Variants in TIGD2 observed in about 807,000 individuals in gnomAD.
The protein encoded by TIGD2 is tigger transposable element-derived protein 2.
A neutral mutation model predicts 27.0 loss-of-function variants in TIGD2; 14 were observed. The observed-to-expected ratio is 0.52, with a 90% CI of 0.34 to 0.81. The LOEUF (loss-of-function observed/expected upper bound fraction) is 0.81. Among genes scored for constraint, TIGD2 ranks in the 30% least tolerant of loss-of-function variants. The probability of loss-of-function intolerance (pLI) is 0.01; values close to 1 mark genes in which losing one functional copy is unlikely to be tolerated. For synonymous variants in TIGD2, 201 were observed against 209.0 expected, an observed-to-expected ratio of 0.96 and a Z score of 0.33; for missense variants, 590 against 617.3, an observed-to-expected ratio of 0.96 and a Z score of 0.47.
At position 89,113,154 on chromosome 4, in the gene TIGD2, T is replaced by C. The variant is rs775478344; in HGVS notation, c.180T>C (p.Asp60=). 6.8e-6 allele frequency: 11 copies of C among 1,613,914 alleles called. No homozygotes were observed. In the African/African-American group the frequency reaches 1.2e-4, roughly 18 times the overall value. ...TTATAAACTATGCAAACAGTTCAGATCCTACCAGTGGAGTATCCAAACGTA... is the reference window on the plus strand; with the variant it reads ...TTATAAACTATGCAAACAGTTCAGACCCTACCAGTGGAGTATCCAAACGTA... ...ERIINYANSS[D]PTSGVSKRKS... Residue 60 remains aspartate, a synonymous_variant, in exon 2 of 2, where the codon GAT becomes GAC. Coordinates refer to ENST00000603357, the MANE Select transcript of TIGD2 (RefSeq NM_145715.3).
chr4:89,114,531 C>A lies in TIGD2; in HGVS notation c.1557C>A (p.Ile519=). Residue 519 remains isoleucine, a synonymous_variant, in exon 2 of 2, where the codon ATC becomes ATA. Coordinates refer to ENST00000603357, the MANE Select transcript of TIGD2 (RefSeq NM_145715.3). The part of the protein sequence containing the change: ...LRTIIRKKQK[I]QNNKNH ...CCATAATAAGAAAAAAACAGAAGAT[C>A]CAAAATAACAAAAATCATTAATAAG... The A allele has an allele frequency of 2.5e-6, 4 of 1,581,878 alleles. No homozygotes were observed. The highest frequency in any genetic ancestry group is 3.4e-6 in the Non-Finnish European group (4 of 1,161,242).
At position 89,114,012 on chromosome 4, in the gene TIGD2, C is replaced by T; in HGVS notation, c.1038C>T (p.Tyr346=). Reference sequence around the variant, plus strand: ...ATCGAGCAGGACTTCTCCAGAAATACATGGATGAAGGAAATGACCCAAAAA... The same window carrying T: ...ATCGAGCAGGACTTCTCCAGAAATATATGGATGAAGGAAATGACCCAAAAA... The part of the protein sequence containing the change: ...RYYRAGLLQK[Y]MDEGNDPKIF... Residue 346 remains tyrosine, a synonymous_variant, in exon 2 of 2, where the codon TAC becomes TAT. Transcript: ENST00000603357. 1.2e-6 allele frequency: 2 copies of T among 1,614,036 alleles called. No homozygotes were observed. Among genetic ancestry groups the T allele is most frequent in the East Asian group, 2.2e-5 (1 of 44,886 alleles).
chr4:89,114,120 C>G lies in TIGD2; in HGVS notation c.1146C>G (p.Thr382=), dbSNP rs762660403. The G allele has an allele frequency of 6.2e-7, 1 of 1,613,948 alleles. No homozygotes were observed. The highest frequency in any genetic ancestry group is 8.5e-7 in the Non-Finnish European group (1 of 1,180,012). The change falls in exon 2 of 2, where the codon ACC becomes ACG. Residue 382 remains threonine, a synonymous_variant. Coordinates refer to ENST00000603357, the MANE Select transcript of TIGD2 (RefSeq NM_145715.3). ...ACATGGTAAAATCAAGTACCATAAC[C>G]AAAGCATGGAAAAAACTTTTCCCTG... is the stretch of plus-strand genomic sequence containing the variant. ...AWNMVKSSTI[T]KAWKKLFPGN...
rs1721177142 is a variant in TIGD2, at chr4:89,114,552, A to G, written c.1578A>G (p.Ter526=). ...KQKIQNNKNH[*] ...AGATCCAAAATAACAAAAATCATTAATAAGGCTCTTAAGTATTTCAGTGTA... is the reference window on the plus strand; with the variant it reads ...AGATCCAAAATAACAAAAATCATTAGTAAGGCTCTTAAGTATTTCAGTGTA... Residue 526 remains the stop codon, a stop_retained_variant, in exon 2 of 2, where the codon TAA becomes TAG. Coordinates refer to ENST00000603357, the MANE Select transcript of TIGD2 (RefSeq NM_145715.3). 9 of 1,578,742 alleles carry G rather than the reference A, an allele frequency of 5.7e-6. No homozygotes were observed. The highest frequency in any genetic ancestry group is 7.8e-6 in the Non-Finnish European group (9 of 1,159,956).
chr4:89,114,803 ATCTTG>A lies in TIGD2; in HGVS notation c.*253_*257del. The A allele has an allele frequency of 2.7e-6, 1 of 369,058 alleles. No individual in the cohort carries two copies. The highest frequency in any genetic ancestry group is 2.1e-5 in the African/African-American group (1 of 47,922). The allele number at this position is 369,058 out of a possible 1,614,324, so 22.9% of individuals were successfully genotyped here. A position where few individuals can be genotyped will look rare whatever the true frequency, so the allele number is the denominator to read the frequency against. ...GATCATAAGGTACCTGAGGCCAGGGATCTTGTGTCTGTTGTGCCTGAATTTGGCGT... is the reference window on the plus strand; with the variant it reads ...GATCATAAGGTACCTGAGGCCAGGGATGTCTGTTGTGCCTGAATTTGGCGT... On this transcript the variant is annotated 3_prime_UTR_variant, in exon 2 of 2. Coordinates refer to ENST00000603357, the MANE Select transcript of TIGD2 (RefSeq NM_145715.3).
Position 89,114,513 on chromosome 4 carries a change from A to C in TIGD2, c.1539A>C (p.Ile513=), listed in dbSNP as rs1269591643. 3.1e-6 allele frequency: 5 copies of C among 1,589,512 alleles called. No homozygotes were observed. Among genetic ancestry groups the C allele is most frequent in the Non-Finnish European group, 4.3e-6 (5 of 1,165,244 alleles). The change falls in exon 2 of 2, where the codon ATA becomes ATC. Residue 513 remains isoleucine, a synonymous_variant. Transcript: ENST00000603357. ...TATTAAGGAGGCTTCGGACCATAAT[A>C]AGAAAAAAACAGAAGATCCAAAATA... ...KLVLRRLRTI[I]RKKQKIQNNK... is the part of the protein sequence containing the mutation.
rs1186142245 is a variant in TIGD2 at position 89,114,265 on chromosome 4, T to C, written c.1291T>C (p.Trp431Arg). ...EHVDIENIDQ[W>R]FDSRSSDSSC... ...TGTTGACATTGAGAATATTGATCAG[T>C]GGTTCGACTCTCGGAGCAGTGACTC... Residue 431 changes from tryptophan to arginine, a missense_variant, in exon 2 of 2, where the codon TGG becomes CGG. This residue lies in a region of TIGD2 where 451 missense variants were observed against 448.0 expected (regional missense o/e 1.01). Coordinates refer to ENST00000603357, the MANE Select transcript of TIGD2 (RefSeq NM_145715.3). 3.1e-6 allele frequency: 5 copies of C among 1,614,130 alleles called. No individual in the cohort carries two copies. The highest frequency in any genetic ancestry group is 1.7e-5 in the Admixed American group (1 of 60,018).
Position 89,113,156 on chromosome 4 carries a change from C to T in TIGD2, c.182C>T (p.Pro61Leu). The T allele has an allele frequency of 6.2e-7, 1 of 1,614,050 alleles. No homozygotes were observed. ...ATAAACTATGCAAACAGTTCAGATC[C>T]TACCAGTGGAGTATCCAAACGTAAA... is the stretch of plus-strand genomic sequence containing the variant. ...RIINYANSSDPTSGVSKRKSM... is the reference protein window; with the variant it reads ...RIINYANSSDLTSGVSKRKSM... The change falls in exon 2 of 2, where the codon CCT becomes CTT. Residue 61 changes from proline (P) to leucine (L), a missense_variant. Around this residue, in one of 3 missense-constraint regions of TIGD2, gnomAD observed 92 missense variants for 89.6 expected, o/e 1.03. Coordinates refer to ENST00000603357, the MANE Select transcript of TIGD2 (RefSeq NM_145715.3).
chr4:89,114,768 CTA>C lies in TIGD2; in HGVS notation c.*218_*219del, dbSNP rs1721181067. ...CTTGTCTTTCTACTGTTTCTAATAT[CTA>C]TTAATTAGATCATAAGGTACCTGAG... is the stretch of plus-strand genomic sequence containing the variant. On this transcript the variant is annotated 3_prime_UTR_variant, in exon 2 of 2. Transcript: ENST00000603357. 2 of 489,628 alleles carry C rather than the reference CTA, an allele frequency of 4.1e-6. No homozygotes were observed. The highest frequency in any genetic ancestry group is 6.7e-5 in the South Asian group (2 of 29,984). The allele number at this position is 489,628 out of a possible 1,614,324, so 30.3% of individuals were successfully genotyped here.
At chr4:89,111,322 G>A (rs1020935457), upstream of TIGD2, 3 of 673,772 alleles carry the variant, frequency 4.5e-6, no homozygotes, top group Non-Finnish European at 5.5e-6. Flanking sequence ...GCGAGCGTGT[G>A]CCTCCCCCTG....
Position 89,112,341 on chromosome 4 carries a change from C to G in TIGD2, c.-634C>G, listed in dbSNP as rs1043205741. Reference sequence around the variant, plus strand: ...GAGTTTTCTGCCTGTTCCACTTTCACCTTATTTGCACTGTTCACTTCTGTC... The same window carrying G: ...GAGTTTTCTGCCTGTTCCACTTTCAGCTTATTTGCACTGTTCACTTCTGTC... On this transcript the variant is annotated 5_prime_UTR_variant, in exon 2 of 2. Transcript: ENST00000603357. 1 of 152,224 alleles carries G rather than the reference C, an allele frequency of 6.6e-6. No individual in the cohort carries two copies. The highest frequency in any genetic ancestry group is 1.5e-5 in the Non-Finnish European group (1 of 68,080). The allele number at this position is 152,224 out of a possible 1,614,324, so 9.4% of individuals were successfully genotyped here.
chr4:89,111,868 C>T lies in TIGD2; in HGVS notation c.-924C>T, dbSNP rs1041223186. ...CTCGCTAACACGGCTTCTCCCTGAC[C>T]TCTTAATTTCAGGAGGTAGGCTCTT... is the stretch of plus-strand genomic sequence containing the variant. On this transcript the variant is annotated 5_prime_UTR_variant, in exon 1 of 2. Coordinates refer to ENST00000603357, the MANE Select transcript of TIGD2 (RefSeq NM_145715.3). The T allele has an allele frequency of 1.3e-5, 2 of 152,210 alleles. No individual in the cohort carries two copies. The highest frequency in any genetic ancestry group is 4.8e-5 in the African/African-American group (2 of 41,460). 9.4% of individuals were successfully genotyped at this position (152,210 alleles called of 1,614,324 possible).
chr4:89,111,347 A>G, upstream of TIGD2: 1 of 492,280 alleles, frequency 2.0e-6, no homozygotes, highest in Non-Finnish European at 2.6e-6. Context: ...CCAGGGAGGC[A>G]CTGCGGCCCC....
rs750722491 is a variant in TIGD2 at position 89,114,492 on chromosome 4, AAGG to A, written c.1522_1524del (p.Arg508del). The A allele has an allele frequency of 7.5e-6, 12 of 1,610,568 alleles. No individual in the cohort carries two copies. The highest frequency in any genetic ancestry group is 1.0e-5 in the Non-Finnish European group (12 of 1,177,230). ...TGCTTCTGTCTGATAAATTGGTATT[AAGG>A]AGGCTTCGGACCATAATAAGAAAAA... On this transcript the variant is annotated inframe_deletion, in exon 2 of 2. Coordinates refer to ENST00000603357, the MANE Select transcript of TIGD2 (RefSeq NM_145715.3).
In TIGD2 at chr4:89,113,615, G is replaced by C. The variant is rs766781332; in HGVS notation, c.641G>C (p.Cys214Ser). The stretch of plus-strand genomic sequence containing the variant: ...AGAGAGAGAATCATCATTATGTGTT[G>C]CGCAAATGCCACAGGTTTACACAAA... The part of the protein sequence containing the change: ...SSRERIIIMC[C>S]ANATGLHKLN... The change falls in exon 2 of 2, where the codon TGC becomes TCC. Residue 214 changes from cysteine to serine, a missense_variant. Cys to Ser is a moderately radical substitution (Grantham distance 112, BLOSUM62 -1). Coordinates refer to ENST00000603357, the MANE Select transcript of TIGD2 (RefSeq NM_145715.3). 1 of 1,614,120 alleles carries C rather than the reference G, an allele frequency of 6.2e-7. No homozygotes were observed. Among genetic ancestry groups the C allele is most frequent in the South Asian group, 1.1e-5 (1 of 91,082 alleles).
At position 89,113,634 on chromosome 4, in the gene TIGD2, A is replaced by G; in HGVS notation, c.660A>G (p.Leu220=). 1 of 1,614,164 alleles carries G rather than the reference A, an allele frequency of 6.2e-7. No individual in the cohort carries two copies. The change falls in exon 2 of 2, where the codon TTA becomes TTG. Residue 220 remains leucine (L), a synonymous_variant. Coordinates refer to ENST00000603357, the MANE Select transcript of TIGD2 (RefSeq NM_145715.3). ...TGTGTTGCGCAAATGCCACAGGTTTACACAAACTTAATCTTTGTGTTGTGG... is the reference window on the plus strand; with the variant it reads ...TGTGTTGCGCAAATGCCACAGGTTTGCACAAACTTAATCTTTGTGTTGTGG... The part of the protein sequence containing the change: ...IIMCCANATG[L]HKLNLCVVGK...
Position 89,114,635 on chromosome 4 carries a change from C to A in TIGD2, c.*83C>A. The A allele has an allele frequency of 7.5e-7, 1 of 1,335,336 alleles. No individual in the cohort carries two copies. The highest frequency in any genetic ancestry group is 1.0e-6 in the Non-Finnish European group (1 of 982,094). The allele number at this position is 1,335,336 out of a possible 1,614,324, so 82.7% of individuals were successfully genotyped here. A position where few individuals can be genotyped will look rare whatever the true frequency, so the allele number is the denominator to read the frequency against. On this transcript the variant is annotated 3_prime_UTR_variant, in exon 2 of 2. Coordinates refer to ENST00000603357, the MANE Select transcript of TIGD2 (RefSeq NM_145715.3). ...TTGCTTGTTTGAAGTCCTGTGGATT[C>A]CAAAGCCAAATACATTTTATAAATG...
chr4:89,112,890 A>T lies in TIGD2; in HGVS notation c.-85A>T. ...TAGAAGTGAGAGGAGGAATCTTACG[A>T]ACTCATTTTCTAGTTGCTTTGTATT... On this transcript the variant is annotated 5_prime_UTR_variant, in exon 2 of 2. Transcript: ENST00000603357. 8.2e-7 allele frequency: 1 copy of T among 1,226,770 alleles called. No individual in the cohort carries two copies. Among genetic ancestry groups the T allele is most frequent in the Non-Finnish European group, 1.1e-6 (1 of 877,474 alleles). The allele number at this position is 1,226,770 out of a possible 1,614,324, so 76.0% of individuals were successfully genotyped here.
In TIGD2 at chr4:89,113,454, G is replaced by A; in HGVS notation, c.480G>A (p.Gln160=). The change falls in exon 2 of 2, where the codon CAG becomes CAA. Residue 160 remains glutamine, a synonymous_variant. Coordinates refer to ENST00000603357, the MANE Select transcript of TIGD2 (RefSeq NM_145715.3). ...TAAREFCGSF[Q]EFVEKENLQP... ...CCAGAGAATTTTGTGGTAGCTTTCA[G>A]GAATTTGTTGAAAAAGAGAATCTAC... 6.2e-7 allele frequency: 1 copy of A among 1,614,078 alleles called. No individual in the cohort carries two copies. Among genetic ancestry groups the A allele is most frequent in the Non-Finnish European group, 8.5e-7 (1 of 1,179,982 alleles).
Sources: gnomAD v4.1 joint callset for allele counts on GRCh38, gnomAD v4.1.1 for gene constraint, gnomAD v4.1.1 regional missense constraint, MANE v1.5 for transcripts, NCBI Gene and HGNC (gene_info 2026-07-23, HGNC 2026-07-21) for gene names.